SLC35F1: variants seen among roughly 807,000 people sequenced by gnomAD.
SLC35F1 encodes the protein solute carrier family 35 member F1.
A neutral mutation model predicts 48.7 loss-of-function variants in SLC35F1; 14 were observed. That is an observed-to-expected ratio of 0.29 (90% CI 0.19 to 0.45). The LOEUF (loss-of-function observed/expected upper bound fraction) is 0.45. Among genes scored for constraint, SLC35F1 ranks in the 20% least tolerant of loss-of-function variants. SLC35F1 has a pLI of 1.00. For synonymous variants in SLC35F1, 190 were observed against 202.2 expected (o/e 0.94, Z 0.51); for missense variants, 404 against 500.0 (o/e 0.81, Z 1.83).
At chr6:118,090,027 G>A (rs771513364) in intron 1 of SLC35F1, among the ~76,000 whole-genome samples, 14 of 152,186 alleles carry the variant, frequency 9.2e-5, no homozygotes, top group Non-Finnish European at 1.8e-4. Flanking sequence ...ATGCCTTTGA[G>A]CAATATAAAC....
In SLC35F1 at chr6:118,314,216, G is replaced by C. The variant is rs748537420; in HGVS notation, c.1191G>C (p.Gln397His). 6.2e-7 allele frequency: 1 copy of C among 1,614,230 alleles called. No individual in the cohort carries two copies. Among genetic ancestry groups the C allele is most frequent in the Non-Finnish European group, 8.5e-7 (1 of 1,180,040 alleles). The change falls in exon 8 of 8, where the codon CAG (glutamine) becomes CAC (histidine). Residue 397 changes from glutamine to histidine, a missense_variant. Coordinates refer to ENST00000360388, the MANE Select transcript of SLC35F1 (RefSeq NM_001029858.4). ...CAGTCACCTACACCAGCCTGGGCCA[G>C]GAGACCGAAGAGGAGCCTCATGTTC... ...EPSVTYTSLG[Q>H]ETEEEPHVRV...
chr6:118,089,248 C>CTTGAAGAGT lies in SLC35F1; in HGVS notation c.174-65194_174-65186dup, dbSNP rs145229565. ...TGAGGGCCAGAATGGTGAGGGAGAA[C>CTTGAAGAGT]TTGAAGAGTTTTGTTTTGAGGAGTC... On this transcript the variant is annotated intron_variant, in intron 1 of 7. Transcript: ENST00000360388. 4.4e-3 allele frequency among the ~76,000 whole-genome samples: 676 copies of CTTGAAGAGT among 152,178 alleles called. 4 individuals carry two copies. Among genetic ancestry groups the CTTGAAGAGT allele is most frequent in the African/African-American group, 0.015 (625 of 41,534 alleles).
chr6:118,211,719 C>T (rs1775002870), intron 2 of SLC35F1, among the ~76,000 whole-genome samples: 1 of 152,100 alleles, frequency 6.6e-6, no homozygotes, highest in Non-Finnish European at 1.5e-5. Context: ...GCTGGAAGCT[C>T]AAGTGATGTG....
chr6:118,014,495 A>G (rs147180273), intron 1 of SLC35F1, among the ~76,000 whole-genome samples: 10 of 152,310 alleles, frequency 6.6e-5, no homozygotes, highest in African/African-American at 2.4e-4. Context: ...CTGGGAATAA[A>G]TTGTGGTATT....
intron 1 of SLC35F1, among the ~76,000 whole-genome samples, chr6:118,079,438 C>A (rs573306977): frequency 6.6e-6 from 1 of 152,226 alleles, no homozygotes; most frequent in South Asian, 2.1e-4. Context: ...ATATTTTTGG[C>A]TCTTGTGAAT....
intron 2 of SLC35F1, among the ~76,000 whole-genome samples, chr6:118,164,644 T>C (rs1028445934): frequency 6.6e-6 from 1 of 152,212 alleles, no homozygotes; most frequent in Non-Finnish European, 1.5e-5. Context: ...ATAAACTGAA[T>C]ATAATATGCC....
At chr6:118,088,118 T>C (rs1207404654) in intron 1 of SLC35F1, among the ~76,000 whole-genome samples, 1 of 152,250 alleles carries the variant, frequency 6.6e-6, no homozygotes, top group East Asian at 1.9e-4. Flanking sequence ...ATGGTTACTT[T>C]AATAGTTACT....
intron 2 of SLC35F1, among the ~76,000 whole-genome samples, chr6:118,204,955 G>A (rs1342221098): frequency 2.0e-5 from 3 of 152,186 alleles, no homozygotes; most frequent in Non-Finnish European, 2.9e-5. Context: ...TGAATAATAC[G>A]AGGTAAGACC....
At chr6:117,978,110 T>C (rs901270592) in intron 1 of SLC35F1, among the ~76,000 whole-genome samples, 3 of 152,178 alleles carry the variant, frequency 2.0e-5, no homozygotes, top group African/African-American at 7.2e-5. Flanking sequence ...TTCAGATGTG[T>C]TTATCTGAAC....
At chr6:117,978,382 C>T (rs1387820105) in intron 1 of SLC35F1, among the ~76,000 whole-genome samples, 1 of 152,040 alleles carries the variant, frequency 6.6e-6, no homozygotes, top group Non-Finnish European at 1.5e-5. Flanking sequence ...TCCCCTTTAC[C>T]ACATTTACTT....
chr6:118,197,495 C>T (rs1041917714), intron 2 of SLC35F1, among the ~76,000 whole-genome samples: 5 of 152,212 alleles, frequency 3.3e-5, no homozygotes, highest in African/African-American at 1.2e-4. Flanking sequence ...CAGACAAACT[C>T]TCCTATCTCT....
chr6:118,312,901 G>A (rs562862078), intron 7 of SLC35F1, among the ~76,000 whole-genome samples: 1 of 152,058 alleles, frequency 6.6e-6, no homozygotes, highest in South Asian at 2.1e-4. Flanking sequence ...TTCAGTATTA[G>A]CATTAAGGAC....
intron 2 of SLC35F1, among the ~76,000 whole-genome samples, chr6:118,194,411 T>C (rs1407574898): frequency 6.6e-6 from 1 of 152,188 alleles, no homozygotes; most frequent in Non-Finnish European, 1.5e-5. Context: ...AGTACTGCCA[T>C]GTGGTTACAA....
rs552250977 is a variant in SLC35F1, at chr6:118,027,592, A to T, written c.173+119693A>T. 3.0e-4 allele frequency among the ~76,000 whole-genome samples: 46 copies of T among 152,164 alleles called. 1 individual carries two copies. The South Asian group carries it at 9.3e-3, about 31-fold the overall frequency. On this transcript the variant is annotated intron_variant, in intron 1 of 7. Coordinates refer to ENST00000360388, the MANE Select transcript of SLC35F1 (RefSeq NM_001029858.4). Reference sequence around the variant, plus strand: ...TTATTGACCATCTTTATCTCTGGCAAAGTAACTGTCAAATCTCCCCTCACC... The same window carrying T: ...TTATTGACCATCTTTATCTCTGGCATAGTAACTGTCAAATCTCCCCTCACC...
At chr6:118,273,028 T>G (rs1775876950) in intron 4 of SLC35F1, among the ~76,000 whole-genome samples, 1 of 149,156 alleles carries the variant, frequency 6.7e-6, no homozygotes, top group Non-Finnish European at 1.5e-5. Context: ...TCAAATGACT[T>G]AAAAACTGAC....
At chr6:118,161,781 G>T (rs1431377653) in intron 2 of SLC35F1, among the ~76,000 whole-genome samples, 2 of 152,190 alleles carry the variant, frequency 1.3e-5, no homozygotes. Flanking sequence ...TAGGAAAAGA[G>T]AACAGATTTG....
intron 1 of SLC35F1, among the ~76,000 whole-genome samples, chr6:118,089,371 T>C (rs1294901514): frequency 6.6e-6 from 1 of 152,114 alleles, no homozygotes; most frequent in Non-Finnish European, 1.5e-5. Context: ...GCCCAAAACC[T>C]AAAAGAAACA....
rs1397279430 is a variant in SLC35F1, at chr6:117,909,104, C to T, written c.173+1205C>T. Among the ~76,000 whole-genome samples, 3 of 152,204 alleles carry T rather than the reference C, an allele frequency of 2.0e-5. No individual in the cohort carries two copies. In the East Asian group the frequency reaches 5.8e-4, roughly 29 times the overall value. ...TGCGTTAGTTTATTTGCGGGTACTTCTGTAGCTTTCCATTTATTATCAAAC... is the reference window on the plus strand; with the variant it reads ...TGCGTTAGTTTATTTGCGGGTACTTTTGTAGCTTTCCATTTATTATCAAAC... On this transcript the variant is annotated intron_variant, in intron 1 of 7. Coordinates refer to ENST00000360388, the MANE Select transcript of SLC35F1 (RefSeq NM_001029858.4).
At chr6:117,926,107 C>T (rs145893668) in intron 1 of SLC35F1, among the ~76,000 whole-genome samples, 258 of 152,150 alleles carry the variant, frequency 1.7e-3, no homozygotes, top group African/African-American at 6.0e-3. Flanking sequence ...GTGTCCCCAC[C>T]CAAATCTCAC....
Sources: gnomAD v4.1 joint callset for allele counts (sites outside exome capture counted in the v4.1 genomes callset) on GRCh38, gnomAD v4.1.1 for gene constraint, MANE v1.5 for transcripts, NCBI Gene and HGNC (gene_info 2026-07-23, HGNC 2026-07-21) for gene names.